ZNF517: variants seen among roughly 807,000 people sequenced by gnomAD.
ZNF517 encodes the protein zinc finger protein 517.
ZNF517 carries 12 observed loss-of-function variants against 12.1 expected under a neutral mutation model. The ratio of observed to expected loss-of-function variants is 0.99; its 90% CI spans 0.63 to 1.61. The LOEUF is 1.61. Ranked by LOEUF, ZNF517 falls within the 40% of genes most tolerant of loss-of-function variation. ZNF517 has a pLI of 0.00. For synonymous variants in ZNF517, 388 were observed against 310.2 expected (o/e 1.25, Z -2.63); for missense variants, 781 against 693.2 (o/e 1.13, Z -1.42).
At chr8:144,800,408 G>A (rs775753542) in intron 1 of ZNF517, 15 of 891,318 alleles carry the variant, frequency 1.7e-5, no homozygotes, top group Non-Finnish European at 2.0e-5. Flanking sequence ...CCCTAGACAT[G>A]AGCAAACACA....
rs914710423 is a variant in ZNF517 at position 144,809,591 on chromosome 8, C to G, written c.*1196C>G. ...TGCCACAGAGGCCTCCCAGGGCTCT[C>G]GGCCAGTCAGCCTCAGAATGAGAGT... On this transcript the variant is annotated 3_prime_UTR_variant, in exon 5 of 5. Coordinates refer to ENST00000359971, the MANE Select transcript of ZNF517 (RefSeq NM_213605.3). 1 of 152,286 alleles carries G rather than the reference C, an allele frequency of 6.6e-6. No individual in the cohort carries two copies. Among genetic ancestry groups the G allele is most frequent in the African/African-American group, 2.4e-5 (1 of 41,444 alleles). The allele number at this position is 152,286 out of a possible 1,614,324, so 9.4% of individuals were successfully genotyped here. A position where few individuals can be genotyped will look rare whatever the true frequency, so the allele number is the denominator to read the frequency against.
intron 4 of ZNF517, 74 bp downstream of exon 4, chr8:144,804,312 C>T: frequency 1.8e-6 from 2 of 1,105,616 alleles, no homozygotes; most frequent in East Asian, 2.6e-5. Flanking sequence ...TCTGCAGGTC[C>T]CTTCTTCTAC....
intron 2 of ZNF517, chr8:144,803,325 C>T: frequency 4.3e-6 from 2 of 465,558 alleles, no homozygotes; most frequent in Non-Finnish European, 7.7e-6. Context: ...GGTGGGGATG[C>T]TCCCCACAGT....
downstream of ZNF517, chr8:144,810,181 G>C: frequency 1.4e-6 from 1 of 699,080 alleles, no homozygotes; most frequent in South Asian, 1.5e-5. Flanking sequence ...GGAGAGAAGG[G>C]TGTGGCCGGA....
intron 1 of ZNF517, among the ~76,000 whole-genome samples, chr8:144,801,254 A>C (rs1477659965): frequency 6.6e-6 from 1 of 152,210 alleles, no homozygotes; most frequent in East Asian, 1.9e-4. Context: ...CAAACACAAG[A>C]GCTCAAGTGT....
At position 144,807,875 on chromosome 8, in the gene ZNF517, T is replaced by C. The variant is rs1168679785; in HGVS notation, c.959T>C (p.Leu320Pro). The C allele has an allele frequency of 2.6e-6, 4 of 1,565,664 alleles. No homozygotes were observed. Among genetic ancestry groups the C allele is most frequent in the East Asian group, 4.5e-5 (2 of 44,180 alleles). The change falls in exon 5 of 5, where the codon CTG becomes CCG. Residue 320 changes from leucine to proline, a missense_variant. Coordinates refer to ENST00000359971, the MANE Select transcript of ZNF517 (RefSeq NM_213605.3). ...AGCGGGGAGCGGCCCTACCGGTGCC[T>C]GCGGTGTGGGCAGCGCTTCATCCGA... ...IHSGERPYRCLRCGQRFIRGS... is the reference protein window; with the variant it reads ...IHSGERPYRCPRCGQRFIRGS...
At chr8:144,802,591 G>C (rs111766125) in intron 1 of ZNF517, among the ~76,000 whole-genome samples, 2 of 152,268 alleles carry the variant, frequency 1.3e-5, no homozygotes, top group African/African-American at 4.8e-5. Context: ...AGCAAGGAGC[G>C]AGGATAAGGA....
chr8:144,800,285 T>C (rs569420086), intron 1 of ZNF517, among the ~76,000 whole-genome samples: 1 of 152,306 alleles, frequency 6.6e-6, no homozygotes, highest in African/African-American at 2.4e-5. Flanking sequence ...CCATTATTTT[T>C]AGCTCAGTGC....
chr8:144,802,954 A>G lies in ZNF517; in HGVS notation c.33+7A>G. The G allele has an allele frequency of 6.2e-7, 1 of 1,613,446 alleles. No individual in the cohort carries two copies. Among genetic ancestry groups the G allele is most frequent in the Non-Finnish European group, 8.5e-7 (1 of 1,179,792 alleles). On this transcript the variant is annotated splice_region_variant and intron_variant, in intron 2 of 4. Transcript: ENST00000359971. ...CCCGATGCCTGGACCTCAGGTGAGC[A>G]CCCCCTGAGCCCGTCCATTGCCCCA... is the stretch of plus-strand genomic sequence containing the variant.
At chr8:144,799,824 CA>C (rs1826865489) in intron 1 of ZNF517, among the ~76,000 whole-genome samples, 2 of 152,180 alleles carry the variant, frequency 1.3e-5, no homozygotes, top group South Asian at 4.1e-4. Flanking sequence ...CCTGTAGTCC[CA>C]GCTACTCGGG....
downstream of ZNF517, chr8:144,810,461 C>T (rs1827520639): frequency 2.4e-6 from 1 of 412,266 alleles, no homozygotes. Context: ...CTGGATCCAC[C>T]CTCCAGAGAA....
In ZNF517 at chr8:144,802,753, G is replaced by A; in HGVS notation, c.-45-117G>A. 11 of 1,446,984 alleles carry A rather than the reference G, an allele frequency of 7.6e-6. 1 individual carries two copies. Among genetic ancestry groups the A allele is most frequent in the Middle Eastern group, 1.8e-4 (1 of 5,434 alleles). The allele number at this position is 1,446,984 out of a possible 1,614,324, so 89.6% of individuals were successfully genotyped here. On this transcript the variant is annotated intron_variant, in intron 1 of 4. Coordinates refer to ENST00000359971, the MANE Select transcript of ZNF517 (RefSeq NM_213605.3). The stretch of plus-strand genomic sequence containing the variant: ...TTGGGACGTGAAGGAGGCGGCTGAT[G>A]TGATTGCCCTAGCACTTTACCCTCT...
chr8:144,803,896 C>G (rs1207896047), intron 3 of ZNF517, 129 bp downstream of exon 3: 1 of 1,378,960 alleles, frequency 7.3e-7, no homozygotes, highest in East Asian at 2.3e-5. Context: ...CCCAAGGAGC[C>G]CCTCTCTGCT....
chr8:144,807,653 C>T lies in ZNF517; in HGVS notation c.737C>T (p.Thr246Met), dbSNP rs780431587. 6 of 1,608,566 alleles carry T rather than the reference C, an allele frequency of 3.7e-6. No individual in the cohort carries two copies. Among genetic ancestry groups the T allele is most frequent in the South Asian group, 1.1e-5 (1 of 90,884 alleles). The stretch of plus-strand genomic sequence containing the variant: ...TGCGGGAAGGCCTTCCGGCAGAGCA[C>T]GCAGCTGGCTGCCCACCACCGCGTC... The part of the protein sequence containing the change: ...GECGKAFRQS[T>M]QLAAHHRVHT... Residue 246 changes from threonine to methionine, a missense_variant, in exon 5 of 5, where the codon ACG becomes ATG. Physicochemically the swap from Thr to Met is moderately conservative, Grantham distance 81 (BLOSUM62 -1). Transcript: ENST00000359971.
Position 144,808,110 on chromosome 8 carries a change from C to T in ZNF517, c.1194C>T (p.Cys398=), listed in dbSNP as rs750240728. Residue 398 remains cysteine (C), a synonymous_variant, in exon 5 of 5, where the codon TGC becomes TGT. Transcript: ENST00000359971. ...RLHTGEKPFE[C]AECGKAFGRK... is the part of the protein sequence containing the mutation. ...ACACGGGCGAGAAGCCGTTCGAGTG[C>T]GCGGAGTGCGGCAAGGCCTTCGGTC... The T allele has an allele frequency of 1.9e-5, 31 of 1,612,084 alleles. No individual in the cohort carries two copies. Among genetic ancestry groups the T allele is most frequent in the Non-Finnish European group, 2.6e-5 (31 of 1,179,568 alleles).
At position 144,807,784 on chromosome 8, in the gene ZNF517, G is replaced by A. The variant is rs759952358; in HGVS notation, c.868G>A (p.Ala290Thr). ...GTTCCACACCGGGGAGAAGCCCTTC[G>A]CGTGCACAGAGTGCGGCAAGGCGTT... ...QKFHTGEKPF[A>T]CTECGKAFCR... The change falls in exon 5 of 5, where the codon GCG (alanine) becomes ACG (threonine). Residue 290 changes from alanine (A) to threonine (T), a missense_variant. Coordinates refer to ENST00000359971, the MANE Select transcript of ZNF517 (RefSeq NM_213605.3). 14 of 1,611,186 alleles carry A rather than the reference G, an allele frequency of 8.7e-6. No homozygotes were observed. The Admixed American group carries it at 1.3e-4, about 15-fold the overall frequency.
rs182061142 is a variant in ZNF517 at position 144,808,157 on chromosome 8, A to C, written c.1241A>C (p.His414Pro). Residue 414 changes from histidine (H) to proline (P), a missense_variant, in exon 5 of 5, where the codon CAC becomes CCC. His to Pro is a moderately conservative substitution (Grantham distance 77). Transcript: ENST00000359971. Reference protein sequence around the residue: ...AFGRKSNLTLHQKIHTKEKPF... With the variant: ...AFGRKSNLTLPQKIHTKEKPF... ...GGTCGCAAGTCCAACCTCACTCTGC[A>C]CCAGAAGATCCACACCAAGGAGAAG... is the stretch of plus-strand genomic sequence containing the variant. The C allele has an allele frequency of 1.1e-5, 17 of 1,611,122 alleles. No homozygotes were observed. The Admixed American group carries it at 1.8e-4, about 17-fold the overall frequency.
chr8:144,813,480 G>A (rs1441254069), downstream of ZNF517, among the ~76,000 whole-genome samples: 1 of 152,040 alleles, frequency 6.6e-6, no homozygotes, highest in Non-Finnish European at 1.5e-5. Context: ...ACTACCAAAA[G>A]CAATTTACAG....
chr8:144,800,766 T>A (rs983047258), intron 1 of ZNF517: 1 of 882,186 alleles, frequency 1.1e-6, no homozygotes, highest in African/African-American at 1.8e-5. Flanking sequence ...CCCTAACATG[T>A]CAAAAGGGCT....
Sources: gnomAD v4.1 joint callset for allele counts (sites outside exome capture counted in the v4.1 genomes callset) on GRCh38, gnomAD v4.1.1 for gene constraint, MANE v1.5 for transcripts, NCBI Gene and HGNC (gene_info 2026-07-23, HGNC 2026-07-21) for gene names.